Variants in CACNA2D3 observed in about 807,000 individuals in gnomAD.
CACNA2D3 encodes the protein voltage-dependent calcium channel subunit alpha-2/delta-3.
CACNA2D3 carries 60 observed loss-of-function variants against 160.6 expected under a neutral mutation model. That is an observed-to-expected ratio of 0.37 (90% CI 0.30 to 0.46). The LOEUF (loss-of-function observed/expected upper bound fraction) is 0.46. CACNA2D3 is among the 20% of genes least tolerant of loss of function. The pLI is 1.00. For missense variants in CACNA2D3, 1,205 were observed against 1,365.0 expected (o/e 0.88, Z 1.85); for synonymous variants, 558 against 492.9 (o/e 1.13, Z -1.75).
chr3:54,582,770 G>A (rs1371278432), intron 9 of CACNA2D3, among the ~76,000 whole-genome samples: 2 of 152,190 alleles, frequency 1.3e-5, no homozygotes, highest in Non-Finnish European at 2.9e-5. Context: ...GAATCCCCTG[G>A]CTCGTATTGT....
At chr3:54,714,229 T>C (rs567377440) in intron 11 of CACNA2D3, among the ~76,000 whole-genome samples, 7 of 152,212 alleles carry the variant, frequency 4.6e-5, no homozygotes, top group Non-Finnish European at 1.5e-5. Flanking sequence ...CGCTATTGTT[T>C]GCAGGCAGCC....
At position 54,205,594 on chromosome 3, in the gene CACNA2D3, A is replaced by C. The variant is rs146562123; in HGVS notation, c.204+82000A>C. On this transcript the variant is annotated intron_variant, in intron 2 of 37. Coordinates refer to ENST00000474759, the MANE Select transcript of CACNA2D3 (RefSeq NM_018398.3). ...AAGTAGGGCATTGTTGTGAGAGCTA[A>C]ACCTTCATTTACCACAATGGGCATC... Among the ~76,000 whole-genome samples, 330 of 152,304 alleles carry C rather than the reference A, an allele frequency of 2.2e-3. 2 individuals are homozygous for C. Among genetic ancestry groups the C allele is most frequent in the East Asian group, 0.021 (109 of 5,184 alleles).
At chr3:55,070,816 C>T (rs545620044) in intron 35 of CACNA2D3, among the ~76,000 whole-genome samples, 1 of 152,262 alleles carries the variant, frequency 6.6e-6, no homozygotes, top group East Asian at 1.9e-4. Flanking sequence ...TTAATTTTCA[C>T]TGTTTATATC....
At chr3:54,465,069 T>C (rs1235747021) in intron 4 of CACNA2D3, among the ~76,000 whole-genome samples, 1 of 152,084 alleles carries the variant, frequency 6.6e-6, no homozygotes, top group Non-Finnish European at 1.5e-5. Context: ...TTTTTTGGTC[T>C]GCCTGGGTTA....
chr3:54,865,760 G>A (rs1373651725), intron 17 of CACNA2D3, among the ~76,000 whole-genome samples: 1 of 152,216 alleles, frequency 6.6e-6, no homozygotes, highest in Non-Finnish European at 1.5e-5. Context: ...TCATCAATCA[G>A]TATCAGCCAT....
At chr3:54,815,737 T>C (rs1165303151) in intron 13 of CACNA2D3, among the ~76,000 whole-genome samples, 5 of 152,238 alleles carry the variant, frequency 3.3e-5, no homozygotes, top group Non-Finnish European at 7.3e-5. Flanking sequence ...TTTTAGTTTT[T>C]CTCTGTAAAA....
At chr3:54,861,593 A>T (rs937341679) in intron 17 of CACNA2D3, among the ~76,000 whole-genome samples, 4 of 152,174 alleles carry the variant, frequency 2.6e-5, no homozygotes, top group South Asian at 4.1e-4. Flanking sequence ...ACCCTGGAGA[A>T]TGGATTGGAA....
intron 4 of CACNA2D3, among the ~76,000 whole-genome samples, chr3:54,388,465 T>G (rs148425327): frequency 6.6e-6 from 1 of 152,290 alleles, no homozygotes. Context: ...GCAGTCTTTT[T>G]AGGCATAATA....
intron 2 of CACNA2D3, among the ~76,000 whole-genome samples, chr3:54,262,073 C>CT: frequency 6.6e-6 from 1 of 152,142 alleles, no homozygotes. Context: ...CTGCTGCTCT[C>CT]TAAGGAATTC....
chr3:54,642,398 C>T (rs1213160728), intron 11 of CACNA2D3, among the ~76,000 whole-genome samples, 157 bp downstream of exon 11: 2 of 110,008 alleles, frequency 1.8e-5, no homozygotes, highest in African/African-American at 5.3e-5. Context: ...AACTGAAGAC[C>T]GGCTTTTCTT....
chr3:54,372,989 C>A (rs750924740), intron 3 of CACNA2D3, among the ~76,000 whole-genome samples: 1 of 152,194 alleles, frequency 6.6e-6, no homozygotes, highest in Non-Finnish European at 1.5e-5. Flanking sequence ...TGACCCAGCC[C>A]CCTGGGACTC....
intron 2 of CACNA2D3, among the ~76,000 whole-genome samples, chr3:54,268,165 C>G (rs949779935): frequency 3.9e-5 from 6 of 152,140 alleles, no homozygotes; most frequent in Admixed American, 3.9e-4. Context: ...AAAGAAGCAG[C>G]TCATATGACA....
intron 10 of CACNA2D3, chr3:54,638,964 A>G (rs1391242949): frequency 6.6e-6 from 1 of 152,096 alleles, no homozygotes; most frequent in East Asian, 1.9e-4. Flanking sequence ...CCCATAGTGA[A>G]GGAGGCAAGC....
chr3:54,751,627 A>G (rs1701858608), intron 11 of CACNA2D3, among the ~76,000 whole-genome samples: 1 of 152,146 alleles, frequency 6.6e-6, no homozygotes, highest in Admixed American at 6.5e-5. Flanking sequence ...AGCTAACCAC[A>G]ATTGTAGCAA....
chr3:54,466,223 A>T (rs920014610), intron 4 of CACNA2D3, among the ~76,000 whole-genome samples: 9 of 152,216 alleles, frequency 5.9e-5, no homozygotes, highest in Non-Finnish European at 1.0e-4. Flanking sequence ...GGAATCTTGG[A>T]TGGGACCATT....
intron 11 of CACNA2D3, among the ~76,000 whole-genome samples, chr3:54,727,502 CA>C (rs1701300595): frequency 1.3e-5 from 2 of 152,160 alleles, no homozygotes; most frequent in Non-Finnish European, 2.9e-5. Context: ...GACTTGGAAC[CA>C]ACCCAAATGT....
chr3:54,464,003 G>A (rs1312586684), intron 4 of CACNA2D3, among the ~76,000 whole-genome samples: 2 of 152,330 alleles, frequency 1.3e-5, no homozygotes, highest in Admixed American at 6.5e-5. Context: ...AGGACCCTCA[G>A]CTGCAGGTCT....
chr3:54,378,417 C>A (rs983877574), intron 3 of CACNA2D3, among the ~76,000 whole-genome samples: 1 of 152,168 alleles, frequency 6.6e-6, no homozygotes, highest in Non-Finnish European at 1.5e-5. Context: ...CCTCCACTCA[C>A]CTCCTGCTGT....
At chr3:54,362,069 G>T (rs1431226549) in intron 3 of CACNA2D3, among the ~76,000 whole-genome samples, 1 of 152,148 alleles carries the variant, frequency 6.6e-6, no homozygotes, top group Admixed American at 6.5e-5. Flanking sequence ...ACCACAATTA[G>T]TAGGCATGGC....
Sources: gnomAD v4.1 joint callset for allele counts (sites outside exome capture counted in the v4.1 genomes callset) on GRCh38, gnomAD v4.1.1 for gene constraint, MANE v1.5 for transcripts, NCBI Gene and HGNC (gene_info 2026-07-23, HGNC 2026-07-21) for gene names.